The following SLC35D1 variants were observed in gnomAD, a reference collection of about 807,000 sequenced individuals.
The protein encoded by SLC35D1 is solute carrier family 35 member D1.
SLC35D1 carries 31 observed loss-of-function variants against 46.7 expected under a neutral mutation model. The ratio of observed to expected loss-of-function variants is 0.66; its 90% confidence interval spans 0.50 to 0.90. The LOEUF is 0.90. Among genes scored for constraint, SLC35D1 ranks in the 40% least tolerant of loss-of-function variants. The pLI, the probability that SLC35D1 is intolerant of heterozygous loss-of-function variation, is 0.00. For synonymous variants in SLC35D1, 195 were observed against 164.6 expected, an observed-to-expected ratio of 1.18 and a Z score of -1.41; for missense variants, 397 against 426.2, an observed-to-expected ratio of 0.93 and a Z score of 0.60.
In SLC35D1 at chr1:67,050,639, C is replaced by T. The variant is rs954060366; in HGVS notation, c.393-135G>A. 6.8e-6 allele frequency: 5 copies of T among 730,048 alleles called. No homozygotes were observed. The South Asian group carries it at 7.0e-5, about 10-fold the overall frequency. 45.2% of individuals were successfully genotyped at this position (730,048 alleles called of 1,614,324 possible). ...CATACAAATTAATTTATGGTTAAAC[C>T]CCTGCTTCTCTCTAGAAGCAATTCC... On this transcript the variant is annotated intron_variant, in intron 4 of 11. Coordinates refer to ENST00000235345, the MANE Select transcript of SLC35D1 (RefSeq NM_015139.3).
At chr1:66,979,291 A>G in the SLC35D1 span, among the ~76,000 whole-genome samples, 2 of 152,176 alleles carry the variant, frequency 1.3e-5, no homozygotes, top group Non-Finnish European at 2.9e-5. Context: ...TGACTTCATA[A>G]AACATTAAGC....
the SLC35D1 span, chr1:66,984,936 C>G: frequency 2.0e-6 from 3 of 1,528,370 alleles, no homozygotes; most frequent in East Asian, 6.8e-5. Flanking sequence ...GGAGTAAATT[C>G]TGGTGTGACT....
At chr1:67,037,563 G>A (rs891543390) in intron 8 of SLC35D1, among the ~76,000 whole-genome samples, 2 of 152,150 alleles carry the variant, frequency 1.3e-5, no homozygotes, top group Admixed American at 6.5e-5. Context: ...TGTCTACAAT[G>A]AGCACAGGAT....
the SLC35D1 span, among the ~76,000 whole-genome samples, chr1:66,975,065 A>G: frequency 2.6e-5 from 4 of 152,220 alleles, no homozygotes; most frequent in African/African-American, 9.6e-5. Flanking sequence ...AGAGCTGTAC[A>G]GTGCAAACGG....
chr1:67,030,619 T>C (rs1454010764), intron 8 of SLC35D1, among the ~76,000 whole-genome samples: 1 of 152,016 alleles, frequency 6.6e-6, no homozygotes, highest in African/African-American at 2.4e-5. Context: ...TAATCAGTGG[T>C]TCAGTAATCA....
At chr1:66,995,830 T>C (rs1667233093), downstream of SLC35D1, among the ~76,000 whole-genome samples, 1 of 152,252 alleles carries the variant, frequency 6.6e-6, no homozygotes, top group African/African-American at 2.4e-5. Flanking sequence ...ATCTCAGCTA[T>C]ACTTTCATAA....
Position 67,052,877 on chromosome 1 carries a change from G to A in SLC35D1, c.238-20C>T. 3.7e-6 allele frequency: 6 copies of A among 1,613,946 alleles called. No individual in the cohort carries two copies. The highest frequency in any genetic ancestry group is 5.1e-6 in the Non-Finnish European group (6 of 1,179,930). On this transcript the variant is annotated intron_variant, in intron 2 of 11. Transcript: ENST00000235345. The stretch of plus-strand genomic sequence containing the variant: ...CACCATCTGTAAACAAGAGAACACA[G>A]ATTCACTGTTCTACACATAAAGACA...
At chr1:67,023,851 A>G (rs1667862588) in intron 8 of SLC35D1, among the ~76,000 whole-genome samples, 1 of 152,026 alleles carries the variant, frequency 6.6e-6, no homozygotes, top group Non-Finnish European at 1.5e-5. Flanking sequence ...TTTTAAAAAT[A>G]TATTCTAGAT....
chr1:67,005,896 T>C (rs1046230602), intron 11 of SLC35D1, among the ~76,000 whole-genome samples: 7 of 152,184 alleles, frequency 4.6e-5, no homozygotes, highest in African/African-American at 1.7e-4. Context: ...ACAGAGTCTC[T>C]TGCAATTGGC....
chr1:67,030,279 C>G (rs1374779349), intron 8 of SLC35D1, among the ~76,000 whole-genome samples: 1 of 152,132 alleles, frequency 6.6e-6, no homozygotes, highest in African/African-American at 2.4e-5. Flanking sequence ...GTTTATTTTA[C>G]CCAAGCTAAA....
intron 8 of SLC35D1, among the ~76,000 whole-genome samples, chr1:67,036,004 G>A (rs955434632): frequency 9.2e-5 from 14 of 151,602 alleles, no homozygotes; most frequent in African/African-American, 1.9e-4. Context: ...AAAATCCCTC[G>A]TTATTAACTT....
chr1:66,993,370 C>T, the SLC35D1 span, among the ~76,000 whole-genome samples: 1 of 152,178 alleles, frequency 6.6e-6, no homozygotes, highest in East Asian at 1.9e-4. Context: ...CTAAGGAGTT[C>T]AGCAGTGACC....
At chr1:67,029,716 C>T (rs985632778) in intron 8 of SLC35D1, among the ~76,000 whole-genome samples, 3 of 152,184 alleles carry the variant, frequency 2.0e-5, no homozygotes, top group Non-Finnish European at 2.9e-5. Context: ...TACACCCACA[C>T]ACCTGCTTGT....
rs1553267651 is a variant in SLC35D1 at position 67,039,520 on chromosome 1, T to TGC, written c.729+2714_729+2715dup. Among the ~76,000 whole-genome samples, 161 of 148,392 alleles carry TGC rather than the reference T, an allele frequency of 1.1e-3. 1 individual carries two copies. Among genetic ancestry groups the TGC allele is most frequent in the African/African-American group, 4.0e-3 (157 of 39,110 alleles). Reference sequence around the variant, plus strand: ...GTGTGTGTGTGTGTGTGTGTGTGTGTGCGCGCGTGGGGGGTATTCTTATTT... The same window carrying TGC: ...GTGTGTGTGTGTGTGTGTGTGTGTGTGCGCGCGCGTGGGGGGTATTCTTATTT... On this transcript the variant is annotated intron_variant, in intron 8 of 11. Transcript: ENST00000235345.
chr1:67,023,948 CT>C (rs753663605), intron 8 of SLC35D1, among the ~76,000 whole-genome samples: 474 of 138,138 alleles, frequency 3.4e-3, no homozygotes, highest in Admixed American at 4.2e-3. Flanking sequence ...CTTCCATTTT[CT>C]TTTTTTTTTT....
At chr1:67,009,723 C>T (rs879340596) in intron 10 of SLC35D1, among the ~76,000 whole-genome samples, 4 of 152,068 alleles carry the variant, frequency 2.6e-5, no homozygotes, top group Non-Finnish European at 4.4e-5. Context: ...CTTATTTATA[C>T]ACTGTTGGGG....
intron 8 of SLC35D1, among the ~76,000 whole-genome samples, chr1:67,038,110 G>A (rs570169478): frequency 2.7e-4 from 41 of 152,100 alleles, no homozygotes; most frequent in Non-Finnish European, 5.9e-4. Flanking sequence ...CATAACTAAA[G>A]AATAATTGAT....
intron 7 of SLC35D1, 91 bp from the exon 8 acceptor site, chr1:67,042,419 CACAA>C: frequency 1.0e-6 from 1 of 985,608 alleles, no homozygotes; most frequent in Non-Finnish European, 1.6e-6. Flanking sequence ...CACATAAATA[CACAA>C]ACACACACAC....
intron 6 of SLC35D1, among the ~76,000 whole-genome samples, chr1:67,048,653 C>T (rs904848378): frequency 1.3e-5 from 2 of 152,114 alleles, no homozygotes; most frequent in African/African-American, 2.4e-5. Flanking sequence ...CACTGGAACT[C>T]CTGGATGGAA....
Sources: gnomAD v4.1 joint callset for allele counts (sites outside exome capture counted in the v4.1 genomes callset) on GRCh38, gnomAD v4.1.1 for gene constraint, MANE v1.5 for transcripts, NCBI Gene and HGNC (gene_info 2026-07-23, HGNC 2026-07-21) for gene names.